The following SOX5 variants were observed in gnomAD, a reference collection of about 807,000 sequenced individuals.
SOX5 encodes the protein transcription factor SOX-5.
SOX5 carries 9 observed loss-of-function variants against 92.0 expected under a neutral mutation model. The observed-to-expected ratio is 0.10, with a 90% CI of 0.06 to 0.17. The LOEUF (loss-of-function observed/expected upper bound fraction) is 0.17. Ranked by LOEUF, SOX5 falls within the 10% of genes least tolerant of loss-of-function variation. The pLI is 1.00. For missense variants in SOX5, 642 were observed against 944.5 expected (o/e 0.68, Z 4.20); for synonymous variants, 344 against 336.3 (o/e 1.02, Z -0.25).
chr12:23,856,807 AG>A (rs1248801337), intron 2 of SOX5, among the ~76,000 whole-genome samples: 2 of 152,138 alleles, frequency 1.3e-5, no homozygotes, highest in East Asian at 3.8e-4. Context: ...AGAGAAGTTT[AG>A]AGAAGAGAGA....
intron 3 of SOX5, among the ~76,000 whole-genome samples, chr12:23,839,005 AT>A (rs200262997): frequency 0.19 from 25,815 of 138,086 alleles, 2,988 homozygotes; most frequent in East Asian, 0.65. Flanking sequence ...ACACCCAGCT[AT>A]TTTTTTTTTT....
At chr12:23,596,571 G>A (rs150289625) in intron 9 of SOX5, among the ~76,000 whole-genome samples, 146 of 152,244 alleles carry the variant, frequency 9.6e-4, no homozygotes, top group Non-Finnish European at 1.7e-3. Flanking sequence ...TACAGGTGAC[G>A]GCTAAAGTGA....
chr12:24,137,645 A>G (rs532271333), intron 4 of SOX5, among the ~76,000 whole-genome samples: 2 of 152,100 alleles, frequency 1.3e-5, no homozygotes, highest in African/African-American at 4.8e-5. Context: ...AAACAAAAAC[A>G]AAAACAAAAA....
chr12:23,602,558 C>T (rs757372885), intron 9 of SOX5, among the ~76,000 whole-genome samples: 21 of 151,890 alleles, frequency 1.4e-4, no homozygotes, highest in Non-Finnish European at 2.4e-4. Flanking sequence ...GAAAAAAATC[C>T]GTCAGCCATT....
intron 3 of SOX5, among the ~76,000 whole-genome samples, chr12:23,758,930 TCA>T (rs2094484725): frequency 6.6e-6 from 1 of 151,838 alleles, no homozygotes; most frequent in Admixed American, 6.6e-5. Flanking sequence ...GTTGGACTTC[TCA>T]GTCTCCAGAA....
chr12:24,551,739 T>C (rs1953198126), intron 1 of SOX5, among the ~76,000 whole-genome samples: 1 of 152,234 alleles, frequency 6.6e-6, no homozygotes, highest in Non-Finnish European at 1.5e-5. Context: ...GGCACTTTCC[T>C]GTAAGGACCA....
intron 4 of SOX5, among the ~76,000 whole-genome samples, chr12:24,086,653 T>C (rs1292444698): frequency 6.6e-6 from 1 of 152,054 alleles, no homozygotes; most frequent in Non-Finnish European, 1.5e-5. Context: ...ACTATATTAT[T>C]ACTTACTTGT....
chr12:23,766,821 G>C (rs973950550), intron 3 of SOX5, among the ~76,000 whole-genome samples: 1 of 151,844 alleles, frequency 6.6e-6, no homozygotes. Context: ...ACTGCTAAGG[G>C]GATAATATTG....
chr12:24,368,124 TAGG>T (rs1229711179), intron 2 of SOX5: 13 of 152,194 alleles, frequency 8.5e-5, no homozygotes, highest in Non-Finnish European at 1.9e-4. Flanking sequence ...ACTGATGAAG[TAGG>T]AGAAGATGAA....
chr12:23,677,886 C>G (rs1008341108), intron 6 of SOX5, among the ~76,000 whole-genome samples: 1 of 152,094 alleles, frequency 6.6e-6, no homozygotes, highest in Non-Finnish European at 1.5e-5. Flanking sequence ...ACAGCTCCCC[C>G]AATTCAACTA....
intron 3 of SOX5, among the ~76,000 whole-genome samples, chr12:24,236,185 G>A (rs986105419): frequency 2.6e-5 from 4 of 151,958 alleles, no homozygotes; most frequent in African/African-American, 9.7e-5. Flanking sequence ...GCAACACAGT[G>A]AGACTCAGTC....
chr12:24,479,748 C>G (rs1349132290), intron 1 of SOX5, among the ~76,000 whole-genome samples: 1 of 152,094 alleles, frequency 6.6e-6, no homozygotes, highest in Non-Finnish European at 1.5e-5. Context: ...TTACTGCAAC[C>G]TGTGCCTCCC....
At chr12:24,040,710 A>C (rs554058821) in intron 4 of SOX5, among the ~76,000 whole-genome samples, 1 of 152,148 alleles carries the variant, frequency 6.6e-6, no homozygotes, top group Non-Finnish European at 1.5e-5. Flanking sequence ...ATCTCTACTG[A>C]AAAATACAAA....
At position 24,456,587 on chromosome 12, in the gene SOX5, G is replaced by A. The variant is rs556379280; in HGVS notation, c.-250-87948C>T. Among the ~76,000 whole-genome samples, 15 of 152,304 alleles carry A rather than the reference G, an allele frequency of 9.8e-5. No homozygotes were observed. In the East Asian group the frequency reaches 1.4e-3, roughly 14 times the overall value. ...CACAGCAAGTCAGTGAAGGGAATAT[G>A]CCTGTTCTTACTTAACAAATGAAGG... On this transcript the variant is annotated intron_variant, in intron 1 of 4. Coordinates refer to the SOX5 transcript ENST00000446891.
chr12:24,092,176 A>G (rs2137792067), intron 4 of SOX5, among the ~76,000 whole-genome samples: 1 of 152,334 alleles, frequency 6.6e-6, no homozygotes, highest in East Asian at 1.9e-4. Flanking sequence ...AAAAATTCTC[A>G]GATTACAGTA....
intron 3 of SOX5, among the ~76,000 whole-genome samples, chr12:24,216,376 C>A (rs1959170110): frequency 1.3e-5 from 2 of 152,016 alleles, no homozygotes; most frequent in Admixed American, 6.6e-5. Flanking sequence ...CCCAGCTACT[C>A]CGGAGGCTGG....
intron 9 of SOX5, 160 bp downstream of exon 9, chr12:23,604,227 C>A: frequency 1.6e-6 from 1 of 623,900 alleles, no homozygotes; most frequent in Non-Finnish European, 2.9e-6. Context: ...TCAATGTATG[C>A]AGATAAGTTG....
intron 6 of SOX5, among the ~76,000 whole-genome samples, chr12:23,689,136 G>GC (rs1371805629): frequency 1.3e-5 from 2 of 152,068 alleles, no homozygotes; most frequent in African/African-American, 4.8e-5. Context: ...GCCATTTAGA[G>GC]CTAATCTGTT....
At chr12:24,546,496 T>TA (rs1371825952) in intron 1 of SOX5, among the ~76,000 whole-genome samples, 1 of 152,208 alleles carries the variant, frequency 6.6e-6, no homozygotes, top group East Asian at 1.9e-4. Flanking sequence ...CTCTACGCTC[T>TA]ACCTATACCA....
Sources: allele counts gnomAD v4.1 joint callset (sites outside exome capture counted in the v4.1 genomes callset), GRCh38; gene constraint gnomAD v4.1.1; transcripts MANE v1.5; gene names NCBI Gene and HGNC (gene_info 2026-07-23, HGNC 2026-07-21).